The following GRID2 variants were observed in gnomAD, a reference collection of about 807,000 sequenced individuals.
The protein encoded by GRID2 is glutamate receptor ionotropic, delta-2.
Under a neutral mutation model 114.8 loss-of-function variants are expected in GRID2, and 33 were observed. The observed-to-expected ratio is 0.29, with a 90% confidence interval of 0.22 to 0.38. GRID2 has a LOEUF of 0.38. Ranked by LOEUF, GRID2 falls within the 10% of genes least tolerant of loss-of-function variation. The pLI, the probability that GRID2 is intolerant of heterozygous loss-of-function variation, is 1.00. For synonymous variants in GRID2, 505 were observed against 449.9 expected, an observed-to-expected ratio of 1.12 and a Z score of -1.55; for missense variants, 1,184 against 1,257.7, an observed-to-expected ratio of 0.94 and a Z score of 0.89.
intron 4 of GRID2, among the ~76,000 whole-genome samples, chr4:93,137,981 T>TC (rs1460539376): frequency 3.5e-5 from 5 of 141,786 alleles, no homozygotes; most frequent in East Asian, 2.0e-4. Context: ...TTTTTTTTTT[T>TC]TTTTTTTTTG....
At chr4:93,000,593 G>A (rs1418950309) in intron 2 of GRID2, among the ~76,000 whole-genome samples, 1 of 151,540 alleles carries the variant, frequency 6.6e-6, no homozygotes, top group Non-Finnish European at 1.5e-5. Flanking sequence ...TAGTGCTCTA[G>A]CACAGCAGAA....
intron 10 of GRID2, among the ~76,000 whole-genome samples, chr4:93,444,742 C>T (rs533163713): frequency 6.6e-6 from 1 of 151,886 alleles, no homozygotes; most frequent in African/African-American, 2.4e-5. Context: ...AAATTCTGTG[C>T]AGTATTTAGA....
At chr4:92,690,070 A>T (rs554719859) in intron 2 of GRID2, among the ~76,000 whole-genome samples, 30 of 152,120 alleles carry the variant, frequency 2.0e-4, no homozygotes, top group South Asian at 4.1e-4. Flanking sequence ...CCTTAAAAAA[A>T]TTTTTTTAAG....
intron 1 of GRID2, among the ~76,000 whole-genome samples, chr4:92,414,793 A>C (rs1560615772): frequency 6.6e-6 from 1 of 152,084 alleles, no homozygotes; most frequent in African/African-American, 2.4e-5. Context: ...CATTAAATTT[A>C]TTGTTTATTA....
intron 1 of GRID2, among the ~76,000 whole-genome samples, chr4:92,305,327 G>T (rs531599349): frequency 6.6e-4 from 100 of 152,270 alleles, no homozygotes; most frequent in African/African-American, 2.4e-3. Context: ...TATGATCCTT[G>T]CGTGTAGTCT....
intron 14 of GRID2, among the ~76,000 whole-genome samples, chr4:93,736,278 A>G (rs1038692548): frequency 1.3e-5 from 2 of 152,044 alleles, no homozygotes; most frequent in African/African-American, 2.4e-5. Flanking sequence ...AAGACCCACT[A>G]TAGCACTTAC....
chr4:93,366,595 T>G (rs1762360100), intron 8 of GRID2, among the ~76,000 whole-genome samples: 1 of 152,086 alleles, frequency 6.6e-6, no homozygotes, highest in Non-Finnish European at 1.5e-5. Flanking sequence ...GTCTATTACC[T>G]TGTAAAGTAC....
At chr4:93,095,599 G>A (rs1035641263) in intron 3 of GRID2, among the ~76,000 whole-genome samples, 2 of 151,906 alleles carry the variant, frequency 1.3e-5, no homozygotes, top group African/African-American at 2.4e-5. Flanking sequence ...TAAGCTTATA[G>A]CCTATATTCG....
At chr4:93,515,608 T>C (rs374413987) in intron 13 of GRID2, among the ~76,000 whole-genome samples, 197 bp downstream of exon 13, 2 of 152,282 alleles carry the variant, frequency 1.3e-5, no homozygotes, top group East Asian at 1.9e-4. Flanking sequence ...GTAGTGTGTC[T>C]AACAGATCAG....
At chr4:92,652,612 G>T (rs1044159659) in intron 2 of GRID2, among the ~76,000 whole-genome samples, 2 of 133,444 alleles carry the variant, frequency 1.5e-5, no homozygotes, top group Non-Finnish European at 3.4e-5. Flanking sequence ...AGCCTGGAAA[G>T]TTGAGGCTGC....
chr4:92,371,433 T>A (rs1455383722), intron 1 of GRID2, among the ~76,000 whole-genome samples: 3 of 152,124 alleles, frequency 2.0e-5, no homozygotes, highest in African/African-American at 4.8e-5. Context: ...TGAGTGGAAG[T>A]CAATGCTCAT....
chr4:92,335,890 TA>T (rs1268127074), intron 1 of GRID2, among the ~76,000 whole-genome samples: 1 of 152,200 alleles, frequency 6.6e-6, no homozygotes, highest in East Asian at 1.9e-4. Flanking sequence ...TTTAAAGAGC[TA>T]TGTGGTGGTC....
At chr4:92,713,363 A>T (rs1042620039) in intron 2 of GRID2, among the ~76,000 whole-genome samples, 1 of 150,928 alleles carries the variant, frequency 6.6e-6, no homozygotes, top group Non-Finnish European at 1.5e-5. Flanking sequence ...AATGGCCAAT[A>T]TTTCAGTACT....
In GRID2 at chr4:92,870,009, A is replaced by G. The variant is rs377238800; in HGVS notation, c.245-214986A>G. ...AATTCAAGACCAGCCTGAGCAACCA[A>G]TATAGTGAGACCCCGTCTCCACAAA... On this transcript the variant is annotated intron_variant, in intron 2 of 15. Coordinates refer to ENST00000282020, the MANE Select transcript of GRID2 (RefSeq NM_001510.4). Among the ~76,000 whole-genome samples the G allele has an allele frequency of 8.4e-4, 128 of 152,048 alleles. 1 individual carries two copies. Among genetic ancestry groups the G allele is most frequent in the African/African-American group, 3.0e-3 (125 of 41,476 alleles).
intron 2 of GRID2, among the ~76,000 whole-genome samples, chr4:92,864,955 T>G (rs1414533628): frequency 6.6e-6 from 1 of 152,178 alleles, no homozygotes; most frequent in Non-Finnish European, 1.5e-5. Context: ...GCCAATAGAT[T>G]TTTTTGTTCT....
At chr4:92,796,124 G>A (rs1163514998) in intron 2 of GRID2, among the ~76,000 whole-genome samples, 1 of 151,754 alleles carries the variant, frequency 6.6e-6, no homozygotes, top group African/African-American at 2.4e-5. Flanking sequence ...TCTCTATTAG[G>A]ATTCTCTTCC....
At chr4:93,777,897 G>A (rs544733755), downstream of GRID2, among the ~76,000 whole-genome samples, 16 of 152,242 alleles carry the variant, frequency 1.1e-4, 1 homozygote, top group African/African-American at 3.9e-4. Flanking sequence ...TACTGAAAAA[G>A]TTTAGGAATT....
intron 13 of GRID2, among the ~76,000 whole-genome samples, chr4:93,580,894 A>G (rs1736915902): frequency 6.6e-6 from 1 of 150,604 alleles, no homozygotes; most frequent in Non-Finnish European, 1.5e-5. Flanking sequence ...TATATATACA[A>G]TTTAACTTCT....
intron 13 of GRID2, among the ~76,000 whole-genome samples, chr4:93,540,699 G>T (rs1482131292): frequency 6.6e-6 from 1 of 152,180 alleles, no homozygotes; most frequent in East Asian, 1.9e-4. Flanking sequence ...CAGGGCAAAG[G>T]CCAAAGAGTT....
Sources: gnomAD v4.1 joint callset for allele counts (sites outside exome capture counted in the v4.1 genomes callset) on GRCh38, gnomAD v4.1.1 for gene constraint, MANE v1.5 for transcripts, NCBI Gene and HGNC (gene_info 2026-07-23, HGNC 2026-07-21) for gene names.